LDLRAD4: variants seen among roughly 807,000 people sequenced by gnomAD.
LDLRAD4 encodes low density lipoprotein receptor class A domain containing 4.
A neutral mutation model predicts 17.0 loss-of-function variants in LDLRAD4; 5 were observed. That is an observed-to-expected ratio of 0.29 (90% CI 0.15 to 0.62). LDLRAD4 has a LOEUF of 0.62. Ranked by LOEUF, LDLRAD4 falls within the 20% of genes least tolerant of loss-of-function variation. LDLRAD4 has a pLI of 0.84. For synonymous variants in LDLRAD4, 168 were observed against 171.8 expected (o/e 0.98, Z 0.17); for missense variants, 340 against 424.7 (o/e 0.80, Z 1.75).
chr18:13,446,015 A>G (rs2091380601), intron 3 of LDLRAD4, among the ~76,000 whole-genome samples: 2 of 152,220 alleles, frequency 1.3e-5, no homozygotes, highest in Admixed American at 6.5e-5. Flanking sequence ...ATAGTGCAGG[A>G]CAGGCAATTA....
chr18:13,603,471 T>TC (rs763254430), intron 3 of LDLRAD4, among the ~76,000 whole-genome samples: 1 of 152,242 alleles, frequency 6.6e-6, no homozygotes, highest in Non-Finnish European at 1.5e-5. Context: ...CTAGTTCAGG[T>TC]CCTGGCATTG....
chr18:13,617,395 T>A (rs1246787772), intron 3 of LDLRAD4, among the ~76,000 whole-genome samples: 1 of 151,892 alleles, frequency 6.6e-6, no homozygotes, highest in South Asian at 2.1e-4. Context: ...AGGAATAAAA[T>A]CCAGAGCAAA....
At chr18:13,327,631 G>C (rs999034173) in intron 1 of LDLRAD4, among the ~76,000 whole-genome samples, 1 of 151,990 alleles carries the variant, frequency 6.6e-6, no homozygotes, top group African/African-American at 2.4e-5. Context: ...GTACTTGATG[G>C]CCTAGCAGGA....
chr18:13,344,917 T>C (rs532960996), intron 1 of LDLRAD4, among the ~76,000 whole-genome samples: 56 of 152,334 alleles, frequency 3.7e-4, no homozygotes, highest in East Asian at 2.1e-3. Flanking sequence ...CTTGTGATTT[T>C]TGCACATTGA....
intron 1 of LDLRAD4, among the ~76,000 whole-genome samples, chr18:13,219,643 A>G (rs949557684): frequency 6.6e-6 from 1 of 152,212 alleles, no homozygotes; most frequent in African/African-American, 2.4e-5. Context: ...GGTGAGCAGC[A>G]TTGACTCTCA....
chr18:13,396,007 G>C (rs1206508432), intron 2 of LDLRAD4, among the ~76,000 whole-genome samples: 1 of 152,114 alleles, frequency 6.6e-6, no homozygotes, highest in Non-Finnish European at 1.5e-5. Flanking sequence ...GTCAAGTCCC[G>C]GGTCTCTGTG....
Position 13,621,764 on chromosome 18 carries a change from G to A in LDLRAD4, c.336+493G>A, listed in dbSNP as rs144133935. 3.9e-5 allele frequency among the ~76,000 whole-genome samples: 6 copies of A among 152,224 alleles called. 1 individual carries two copies. In the East Asian group the frequency reaches 7.7e-4, roughly 20 times the overall value. On this transcript the variant is annotated intron_variant, in intron 4 of 5. Transcript: ENST00000359446. This position sits in a 1 kb window ranked among gnomAD's most constrained non-coding sequence, Gnocchi z 5.5. ...GAGGACGCCTGGAGCTTAAGGCCTCGGGAGCTTCCTGGGGATCGGCGGTGG... is the reference window on the plus strand; with the variant it reads ...GAGGACGCCTGGAGCTTAAGGCCTCAGGAGCTTCCTGGGGATCGGCGGTGG...
chr18:13,318,426 T>C (rs2081045629), intron 1 of LDLRAD4, among the ~76,000 whole-genome samples: 1 of 152,110 alleles, frequency 6.6e-6, no homozygotes, highest in Non-Finnish European at 1.5e-5. Context: ...CACACCCGGC[T>C]AATTTTTGTA....
At chr18:13,509,267 T>C (rs545434269) in intron 3 of LDLRAD4, among the ~76,000 whole-genome samples, 1 of 152,216 alleles carries the variant, frequency 6.6e-6, no homozygotes, top group East Asian at 1.9e-4. Context: ...TCAGCCATGA[T>C]CATGCCACTG....
intron 3 of LDLRAD4, among the ~76,000 whole-genome samples, chr18:13,529,510 G>A (rs2094094211): frequency 6.6e-6 from 1 of 152,168 alleles, no homozygotes; most frequent in African/African-American, 2.4e-5. Context: ...AGCCCTGTAG[G>A]AAGCTGGAAT....
chr18:13,583,935 C>A (rs910988078), intron 3 of LDLRAD4, among the ~76,000 whole-genome samples: 6 of 152,182 alleles, frequency 3.9e-5, no homozygotes, highest in Non-Finnish European at 8.8e-5. Context: ...CCTGCTCCCC[C>A]AGCTGCCTAC....
At chr18:13,222,468 T>C (rs1263031096) in intron 1 of LDLRAD4, among the ~76,000 whole-genome samples, 2 of 152,198 alleles carry the variant, frequency 1.3e-5, no homozygotes, top group African/African-American at 4.8e-5. Context: ...TGCAAGTTGG[T>C]GCTTGCCAAG....
At chr18:13,486,138 T>A (rs1436004894) in intron 3 of LDLRAD4, among the ~76,000 whole-genome samples, 2 of 152,176 alleles carry the variant, frequency 1.3e-5, no homozygotes, top group Non-Finnish European at 2.9e-5. Context: ...GAAACTGGAT[T>A]TTAACCCCGT....
chr18:13,374,493 CT>C (rs2084755807), intron 1 of LDLRAD4, among the ~76,000 whole-genome samples: 1 of 152,240 alleles, frequency 6.6e-6, no homozygotes, highest in Non-Finnish European at 1.5e-5. Flanking sequence ...CTCTTGGGCC[CT>C]GCCCCGGACC....
chr18:13,600,401 C>G (rs906653515), intron 3 of LDLRAD4, among the ~76,000 whole-genome samples: 7 of 152,194 alleles, frequency 4.6e-5, no homozygotes, highest in Admixed American at 2.0e-4. Context: ...GACTGCACAG[C>G]TGTGTGACTC....
chr18:13,579,854 G>A (rs936846294), intron 3 of LDLRAD4, among the ~76,000 whole-genome samples: 2 of 152,082 alleles, frequency 1.3e-5, no homozygotes, highest in Admixed American at 6.5e-5. Flanking sequence ...CTTTTGAAAC[G>A]CAGTCTGTCA....
At chr18:13,620,902 C>T (rs1601758557) in intron 3 of LDLRAD4, 4 of 626,966 alleles carry the variant, frequency 6.4e-6, no homozygotes. Flanking sequence ...GCAGAGGCTT[C>T]CCGCTCCCCG....
At chr18:13,341,234 G>A (rs2082358750) in intron 1 of LDLRAD4, among the ~76,000 whole-genome samples, 1 of 151,554 alleles carries the variant, frequency 6.6e-6, no homozygotes, top group African/African-American at 2.4e-5. Flanking sequence ...TATTTCATAT[G>A]AATTTTTGAA....
chr18:13,559,783 C>T (rs1166052554), intron 3 of LDLRAD4, among the ~76,000 whole-genome samples: 1 of 152,258 alleles, frequency 6.6e-6, no homozygotes, highest in Admixed American at 6.5e-5. Context: ...CGCTAAATCA[C>T]TGCCCCTCTC....
Sources: gnomAD v4.1 joint callset for allele counts (sites outside exome capture counted in the v4.1 genomes callset) on GRCh38, gnomAD v4.1.1 for gene constraint, Gnocchi (gnomAD v3.1) non-coding constraint, MANE v1.5 for transcripts, NCBI Gene and HGNC (gene_info 2026-07-23, HGNC 2026-07-21) for gene names.